The following MBOAT4 variants were observed in gnomAD, a reference collection of about 807,000 sequenced individuals.
MBOAT4 encodes the protein membrane-bound ghrelin O-acyltransferase MBOAT4.
MBOAT4 carries 11 observed loss-of-function variants against 13.2 expected under a neutral mutation model. That is an observed-to-expected ratio of 0.84 (90% CI 0.53 to 1.38). The LOEUF (loss-of-function observed/expected upper bound fraction) is 1.38, where lower values mean the gene tolerates loss of function less well. Among genes scored for constraint, MBOAT4 ranks in the 40% most tolerant of loss-of-function variants. MBOAT4 has a pLI of 0.00. For synonymous variants in MBOAT4, 202 were observed against 210.3 expected (o/e 0.96, Z 0.34); for missense variants, 481 against 527.2 (o/e 0.91, Z 0.86).
chr8:30,141,119 G>A (rs1803254095), intron 1 of MBOAT4, among the ~76,000 whole-genome samples: 1 of 152,132 alleles, frequency 6.6e-6, no homozygotes, highest in Admixed American at 6.5e-5. Context: ...GGGATTACAG[G>A]CATGAGCCAG....
At chr8:30,136,474 C>G (rs1316323766) in intron 2 of MBOAT4, among the ~76,000 whole-genome samples, 1 of 152,194 alleles carries the variant, frequency 6.6e-6, no homozygotes, top group Non-Finnish European at 1.5e-5. Flanking sequence ...GCCACCCAGT[C>G]TGTGGCACTG....
chr8:30,136,512 G>T (rs572793189), intron 2 of MBOAT4, among the ~76,000 whole-genome samples: 4 of 152,272 alleles, frequency 2.6e-5, no homozygotes, highest in African/African-American at 9.6e-5. Flanking sequence ...TGCCCGACTA[G>T]CAGAGCCCCC....
intron 2 of MBOAT4, among the ~76,000 whole-genome samples, chr8:30,136,084 T>G (rs894441683): frequency 1.3e-5 from 2 of 152,132 alleles, no homozygotes; most frequent in African/African-American, 2.4e-5. Context: ...GAAAGCAAGG[T>G]AGCCTCCAAA....
intron 1 of MBOAT4, among the ~76,000 whole-genome samples, chr8:30,139,342 G>T (rs553977208): frequency 6.6e-6 from 1 of 151,880 alleles, no homozygotes; most frequent in African/African-American, 2.4e-5. Context: ...GTATTCCACC[G>T]CCTGCCCCTG....
At chr8:30,139,318 G>A (rs938046986) in intron 1 of MBOAT4, among the ~76,000 whole-genome samples, 1 of 151,940 alleles carries the variant, frequency 6.6e-6, no homozygotes, top group Admixed American at 6.6e-5. Context: ...CCATTCAAGC[G>A]ATTCCCTCCC....
chr8:30,132,576 C>T lies in MBOAT4; in HGVS notation c.675G>A (p.Val225=), dbSNP rs147722231. The change falls in exon 3 of 3, where the codon GTG becomes GTA. Residue 225 remains valine, a synonymous_variant. Transcript: ENST00000320542. Reference sequence around the variant, plus strand: ...CAGTCAGTCCCGCTCCTGCATCCACCACCCTGCTCACTGCCACGTTTAGGC... The same window carrying T: ...CAGTCAGTCCCGCTCCTGCATCCACTACCCTGCTCACTGCCACGTTTAGGC... ...LECLNVAVSR[V]VDAGAGLTDC... is the part of the protein sequence containing the mutation. The T allele has an allele frequency of 5.2e-6, 8 of 1,551,780 alleles. No individual in the cohort carries two copies. Among genetic ancestry groups the T allele is most frequent in the Non-Finnish European group, 7.0e-6 (8 of 1,147,012 alleles).
chr8:30,132,933 A>G, intron 2 of MBOAT4, 27 bp from the exon 3 acceptor site: 2 of 1,482,886 alleles, frequency 1.3e-6, no homozygotes, highest in South Asian at 2.8e-5. Context: ...TAAAGAACAT[A>G]AAAACACTCT....
chr8:30,144,139 A>AT lies in MBOAT4; in HGVS notation c.119+343dup, dbSNP rs67795918. 2.8e-3 allele frequency among the ~76,000 whole-genome samples: 419 copies of AT among 148,322 alleles called. 1 individual carries two copies. The highest frequency in any genetic ancestry group is 4.6e-3 in the South Asian group (22 of 4,738). ...TTTTGCCCTACTATAGTATTTCTGA[A>AT]TTTTTTTTTTTTTTAGATAGAGGCT... On this transcript the variant is annotated intron_variant, in intron 1 of 2. Transcript: ENST00000320542.
chr8:30,142,775 C>T (rs1023255461), intron 1 of MBOAT4, among the ~76,000 whole-genome samples: 1 of 152,134 alleles, frequency 6.6e-6, no homozygotes, highest in Non-Finnish European at 1.5e-5. Flanking sequence ...TACAGCTGTC[C>T]CCCAACTCCA....
chr8:30,134,959 A>T (rs1803107482), intron 2 of MBOAT4, among the ~76,000 whole-genome samples: 1 of 151,992 alleles, frequency 6.6e-6, no homozygotes, highest in Admixed American at 6.6e-5. Flanking sequence ...GGCTCACTGC[A>T]ACCTCTGCCT....
chr8:30,139,251 C>T (rs1164575328), intron 1 of MBOAT4, among the ~76,000 whole-genome samples: 1 of 151,062 alleles, frequency 6.6e-6, no homozygotes, highest in African/African-American at 2.4e-5. Context: ...CCCCCCTGGC[C>T]TGGAGACAAA....
At chr8:30,138,220 C>A in intron 2 of MBOAT4, 1 of 222,550 alleles carries the variant, frequency 4.5e-6, no homozygotes, top group Non-Finnish European at 9.1e-6. Flanking sequence ...GCCTGTCTCC[C>A]GCACAGCCAG....
chr8:30,132,465 GT>G lies in MBOAT4; in HGVS notation c.785del (p.Asp262AlafsTer92), dbSNP rs1563220564. 6.4e-7 allele frequency: 1 copy of G among 1,551,722 alleles called. No individual in the cohort carries two copies. The highest frequency in any genetic ancestry group is 1.2e-5 in the South Asian group (1 of 84,064). ...AGCCCGCTGCGTGGAGGAGGGAGTCGTCCAGGATCCAGTGGGAGTAGTAGGT... is the reference window on the plus strand; with the variant it reads ...AGCCCGCTGCGTGGAGGAGGGAGTCGCCAGGATCCAGTGGGAGTAGTAGGT... ...KLTYYSHWILDDSLLHAAGFG... is the reference protein window; with the variant it reads ...KLTYYSHWILXDSLLHAAGFG... On this transcript the variant is annotated frameshift_variant, in exon 3 of 3. Transcript: ENST00000320542. LOFTEE classifies it low-confidence loss of function (END_TRUNC).
At chr8:30,133,261 A>G (rs1170630073) in intron 2 of MBOAT4, among the ~76,000 whole-genome samples, 2 of 152,176 alleles carry the variant, frequency 1.3e-5, no homozygotes, top group Non-Finnish European at 2.9e-5. Flanking sequence ...AGTCTAGACT[A>G]ATATACCCCA....
At chr8:30,140,437 G>A (rs4733392) in intron 1 of MBOAT4, among the ~76,000 whole-genome samples, 128,895 of 151,792 alleles carry the variant, frequency 0.85, 55,367 homozygotes, top group Middle Eastern at 0.94. Flanking sequence ...GGCTTTTGGG[G>A]CCCCCTGACT....
chr8:30,140,712 G>A (rs1048708718), intron 1 of MBOAT4, among the ~76,000 whole-genome samples: 1 of 152,154 alleles, frequency 6.6e-6, no homozygotes, highest in African/African-American at 2.4e-5. Flanking sequence ...TGCCTTCCCA[G>A]AGTGAAGGGT....
intron 1 of MBOAT4, among the ~76,000 whole-genome samples, chr8:30,142,964 G>A (rs1003556256): frequency 1.3e-5 from 2 of 152,052 alleles, no homozygotes; most frequent in African/African-American, 4.8e-5. Context: ...TGGCCCTTTG[G>A]CAACAGATTT....
chr8:30,139,540 G>T (rs1435879169), intron 1 of MBOAT4, among the ~76,000 whole-genome samples: 1 of 152,170 alleles, frequency 6.6e-6, no homozygotes, highest in African/African-American at 2.4e-5. Context: ...AGAGAAAGGA[G>T]ACTCAACACT....
intron 1 of MBOAT4, among the ~76,000 whole-genome samples, chr8:30,142,567 G>A (rs890426676): frequency 5.9e-5 from 9 of 151,824 alleles, no homozygotes; most frequent in African/African-American, 1.7e-4. Flanking sequence ...CATGTTGCCC[G>A]GGCAGGTCTC....
Sources: gnomAD v4.1 joint callset for allele counts (sites outside exome capture counted in the v4.1 genomes callset) on GRCh38, gnomAD v4.1.1 for gene constraint, MANE v1.5 for transcripts, NCBI Gene and HGNC (gene_info 2026-07-23, HGNC 2026-07-21) for gene names.